Variants in FGF1 observed in about 807,000 individuals in gnomAD.
FGF1 encodes beta-endothelial cell growth factor.
A neutral mutation model predicts 13.4 loss-of-function variants in FGF1; 9 were observed. The ratio of observed to expected loss-of-function variants is 0.67; its 90% CI spans 0.40 to 1.17. The LOEUF (loss-of-function observed/expected upper bound fraction) is 1.17. Among genes scored for constraint, FGF1 ranks in the 50% most tolerant of loss-of-function variants. FGF1 has a pLI of 0.01. For synonymous variants in FGF1, 93 were observed against 79.0 expected, an observed-to-expected ratio of 1.18 and a Z score of -0.94; for missense variants, 156 against 192.7, an observed-to-expected ratio of 0.81 and a Z score of 1.13.
intron 1 of FGF1, among the ~76,000 whole-genome samples, chr5:142,681,805 T>C (rs1418304448): frequency 1.3e-5 from 2 of 152,208 alleles, no homozygotes; most frequent in African/African-American, 4.8e-5. Flanking sequence ...AATTCCTGCA[T>C]CTATAACAGC....
intron 3 of FGF1, among the ~76,000 whole-genome samples, chr5:142,597,551 A>G (rs980479523): frequency 6.6e-6 from 1 of 152,212 alleles, no homozygotes; most frequent in Non-Finnish European, 1.5e-5. Context: ...TGAACTTTCT[A>G]TTCGTCAAGA....
chr5:142,634,062 G>T (rs531958756), intron 1 of FGF1, among the ~76,000 whole-genome samples: 6 of 151,748 alleles, frequency 4.0e-5, no homozygotes, highest in Non-Finnish European at 8.8e-5. Context: ...ACGTGGTGGC[G>T]GGCGCCTGTA....
At chr5:142,679,025 C>T (rs1773197967) in intron 1 of FGF1, among the ~76,000 whole-genome samples, 1 of 152,176 alleles carries the variant, frequency 6.6e-6, no homozygotes. Flanking sequence ...AGGGCTGACC[C>T]ACTGCTAAAA....
chr5:142,620,253 T>TA (rs1761274917), intron 1 of FGF1, among the ~76,000 whole-genome samples: 1 of 151,860 alleles, frequency 6.6e-6, no homozygotes, highest in Non-Finnish European at 1.5e-5. Flanking sequence ...CTGTCTCTAC[T>TA]AAAAATACAA....
chr5:142,639,333 C>A (rs1447797533), intron 1 of FGF1, among the ~76,000 whole-genome samples: 1 of 151,870 alleles, frequency 6.6e-6, no homozygotes, highest in African/African-American at 2.4e-5. Context: ...AAATCTGTAA[C>A]ACATTTCTTC....
At chr5:142,619,851 G>GAAA (rs150910782) in intron 1 of FGF1, among the ~76,000 whole-genome samples, 2 of 136,486 alleles carry the variant, frequency 1.5e-5, no homozygotes. Context: ...ACCAAAAAAC[G>GAAA]AAAAAAAAAC....
intron 1 of FGF1, 135 bp from the exon 2 acceptor site, chr5:142,614,296 G>C (rs1477446557): frequency 1.5e-6 from 1 of 661,236 alleles, no homozygotes; most frequent in Non-Finnish European, 2.6e-6. Flanking sequence ...GGTGATGCCC[G>C]CAGTCCGCGG....
At chr5:142,626,221 T>C (rs1033565537) in intron 1 of FGF1, among the ~76,000 whole-genome samples, 2 of 152,226 alleles carry the variant, frequency 1.3e-5, no homozygotes, top group African/African-American at 4.8e-5. Flanking sequence ...TGCAATCACC[T>C]ACCCTAGCCT....
At chr5:142,643,987 A>T (rs1286554691) in intron 1 of FGF1, 1 of 152,238 alleles carries the variant, frequency 6.6e-6, no homozygotes, top group Non-Finnish European at 1.5e-5. Flanking sequence ...TCCAATTCTC[A>T]TGCAGAGAAC....
chr5:142,647,451 G>A (rs1766372612), intron 1 of FGF1, among the ~76,000 whole-genome samples: 1 of 152,160 alleles, frequency 6.6e-6, no homozygotes, highest in South Asian at 2.1e-4. Context: ...AGTCAGTACT[G>A]CGTGCTCCCA....
At chr5:142,687,908 C>G (rs751622182), upstream of FGF1, among the ~76,000 whole-genome samples, 8 of 152,230 alleles carry the variant, frequency 5.3e-5, no homozygotes, top group South Asian at 4.1e-4. Context: ...GATTCCCCCC[C>G]TCCTAGTGGA....
Position 142,652,334 on chromosome 5 carries a change from T to G in FGF1, c.-35+33623A>C, listed in dbSNP as rs182553119. Among the ~76,000 whole-genome samples, 113 of 152,288 alleles carry G rather than the reference T, an allele frequency of 7.4e-4. 1 individual carries two copies. Among genetic ancestry groups the G allele is most frequent in the Non-Finnish European group, 1.3e-3 (86 of 68,016 alleles). On this transcript the variant is annotated intron_variant, in intron 1 of 3. Coordinates refer to ENST00000337706, the MANE Select transcript of FGF1 (RefSeq NM_000800.5). ...GTAGTTCTTCTCTAATGGCTGAGGA[T>G]GAAGAAACACAAGAGGCGCTGGGAC...
intron 1 of FGF1, among the ~76,000 whole-genome samples, chr5:142,653,210 G>A (rs1228951658): frequency 5.3e-5 from 8 of 152,032 alleles, no homozygotes; most frequent in Admixed American, 2.0e-4. Context: ...AGACACATCC[G>A]ACCTGAGCCA....
upstream of FGF1, among the ~76,000 whole-genome samples, chr5:142,690,930 G>A (rs1752111942): frequency 6.6e-6 from 1 of 152,078 alleles, no homozygotes; most frequent in South Asian, 2.1e-4. Flanking sequence ...CATTCCCTCT[G>A]CCCAGAATTA....
chr5:142,659,211 C>G (rs1471131446), intron 1 of FGF1, among the ~76,000 whole-genome samples: 2 of 148,100 alleles, frequency 1.4e-5, no homozygotes, highest in East Asian at 3.9e-4. Flanking sequence ...TGATAAAATG[C>G]TTCACCAGAT....
chr5:142,690,059 C>G (rs988062406), upstream of FGF1, among the ~76,000 whole-genome samples: 2 of 150,716 alleles, frequency 1.3e-5, no homozygotes, highest in African/African-American at 4.9e-5. Context: ...CGGTGGCTCA[C>G]GCCTGTAATC....
intron 1 of FGF1, among the ~76,000 whole-genome samples, chr5:142,628,930 A>G (rs1478641755): frequency 1.3e-5 from 2 of 152,022 alleles, no homozygotes; most frequent in African/African-American, 4.8e-5. Flanking sequence ...CCTTCTTGGC[A>G]TTGTCAGGTT....
intron 2 of FGF1, among the ~76,000 whole-genome samples, chr5:142,697,325 G>A (rs1561784366): frequency 6.6e-6 from 1 of 152,140 alleles, no homozygotes; most frequent in African/African-American, 2.4e-5. Context: ...CCTGGTAAAC[G>A]TCTTCTTGGA....
At position 142,643,296 on chromosome 5, in the gene FGF1, T is replaced by TACACAC. The variant is rs57043408; in HGVS notation, c.-34-29141_-34-29136dup. Reference sequence around the variant, plus strand: ...TGCATCAGAAAAAGAGACTACAAATTACACACACACACACACACACATACC... The same window carrying TACACAC: ...TGCATCAGAAAAAGAGACTACAAATTACACACACACACACACACACACACACATACC... On this transcript the variant is annotated intron_variant, in intron 1 of 3. Coordinates refer to ENST00000337706, the MANE Select transcript of FGF1 (RefSeq NM_000800.5). Among the ~76,000 whole-genome samples the TACACAC allele has an allele frequency of 7.9e-4, 118 of 149,856 alleles. 2 individuals carry two copies. Among genetic ancestry groups the TACACAC allele is most frequent in the African/African-American group, 2.8e-3 (114 of 40,946 alleles).
Sources: gnomAD v4.1 joint callset for allele counts (sites outside exome capture counted in the v4.1 genomes callset) on GRCh38, gnomAD v4.1.1 for gene constraint, MANE v1.5 for transcripts, NCBI Gene and HGNC (gene_info 2026-07-23, HGNC 2026-07-21) for gene names.